The following GALNT13 variants were observed in gnomAD, a reference collection of about 807,000 sequenced individuals.
The protein encoded by GALNT13 is UDP-GalNAc:polypeptide N-acetylgalactosaminyltransferase 13.
In GALNT13, 28 loss-of-function variants were observed where a neutral mutation model predicts 64.2. The ratio of observed to expected loss-of-function variants is 0.44; its 90% confidence interval spans 0.32 to 0.60. The LOEUF is 0.60. GALNT13 is among the 20% of genes least tolerant of loss of function. The pLI is 0.05. For synonymous variants in GALNT13, 214 were observed against 224.6 expected, an observed-to-expected ratio of 0.95 and a Z score of 0.42; for missense variants, 577 against 669.8, an observed-to-expected ratio of 0.86 and a Z score of 1.53.
the GALNT13 span, among the ~76,000 whole-genome samples, chr2:153,155,596 A>T: frequency 9.2e-5 from 14 of 152,044 alleles, no homozygotes; most frequent in African/African-American, 2.9e-4. Flanking sequence ...AATTCTGTTT[A>T]TTTGAATCTT....
intron 3 of GALNT13, among the ~76,000 whole-genome samples, chr2:153,958,253 G>A (rs145366526): frequency 9.8e-4 from 149 of 152,218 alleles, no homozygotes; most frequent in African/African-American, 3.4e-3. Flanking sequence ...AGACTGAGGA[G>A]ACCCTGGAGG....
intron 3 of GALNT13, among the ~76,000 whole-genome samples, chr2:154,011,980 A>C (rs1696670367): frequency 1.3e-5 from 2 of 152,108 alleles, no homozygotes; most frequent in Admixed American, 6.6e-5. Flanking sequence ...GGTCTCTTTA[A>C]GACAGTACTG....
chr2:153,631,778 G>A, the GALNT13 span, among the ~76,000 whole-genome samples: 1 of 152,168 alleles, frequency 6.6e-6, no homozygotes, highest in Admixed American at 6.5e-5. Flanking sequence ...TCTGATGGTA[G>A]TTTCTTTTGC....
chr2:154,252,439 C>G (rs1690121536), intron 7 of GALNT13, among the ~76,000 whole-genome samples: 1 of 151,558 alleles, frequency 6.6e-6, no homozygotes, highest in South Asian at 2.1e-4. Flanking sequence ...CTACCGCAAG[C>G]TCCGCCTCCC....
chr2:153,734,405 C>A, the GALNT13 span, among the ~76,000 whole-genome samples: 6 of 152,194 alleles, frequency 3.9e-5, no homozygotes, highest in East Asian at 9.7e-4. Flanking sequence ...AAACACAGAT[C>A]TGATAAGTCT....
At chr2:153,171,018 A>C in the GALNT13 span, among the ~76,000 whole-genome samples, 2 of 152,216 alleles carry the variant, frequency 1.3e-5, no homozygotes, top group African/African-American at 4.8e-5. Context: ...TTGTTTGTCT[A>C]CTCAGTAACA....
chr2:153,831,730 G>A, the GALNT13 span, among the ~76,000 whole-genome samples: 1 of 152,110 alleles, frequency 6.6e-6, no homozygotes, highest in Non-Finnish European at 1.5e-5. Flanking sequence ...GTTCTCTTTT[G>A]AGTCACCCAG....
At chr2:153,775,218 C>T in the GALNT13 span, among the ~76,000 whole-genome samples, 1 of 152,084 alleles carries the variant, frequency 6.6e-6, no homozygotes, top group Non-Finnish European at 1.5e-5. Context: ...TAATGTCATA[C>T]TGACTTATAA....
chr2:153,401,287 GAGAT>G, the GALNT13 span, among the ~76,000 whole-genome samples: 1 of 151,744 alleles, frequency 6.6e-6, no homozygotes, highest in Non-Finnish European at 1.5e-5. Flanking sequence ...TGTGGTCTGA[GAGAT>G]AGTTTGTTAT....
rs201860248 is a variant in GALNT13, at chr2:153,874,408, C to T, written c.-177+2105C>T. Among the ~76,000 whole-genome samples, 5 of 151,918 alleles carry T rather than the reference C, an allele frequency of 3.3e-5. No individual in the cohort carries two copies. The East Asian group carries it at 9.8e-4, about 30-fold the overall frequency. ...TTATCCCATTCCAGGGCTTAAGGTA[C>T]TTGCTTAAGTAGGGGCACTGTGTCT... On this transcript the variant is annotated intron_variant, in intron 1 of 12. Coordinates refer to ENST00000392825, the MANE Select transcript of GALNT13 (RefSeq NM_052917.4).
At chr2:153,912,956 G>T (rs1689059758) in intron 2 of GALNT13, among the ~76,000 whole-genome samples, 1 of 152,198 alleles carries the variant, frequency 6.6e-6, no homozygotes, top group Admixed American at 6.5e-5. Context: ...GGGTGGTAGT[G>T]GGTGCTGGGT....
At chr2:153,804,802 A>G in the GALNT13 span, among the ~76,000 whole-genome samples, 1 of 152,168 alleles carries the variant, frequency 6.6e-6, no homozygotes, top group African/African-American at 2.4e-5. Flanking sequence ...TCATGTCTAC[A>G]TAAAATGAAA....
the GALNT13 span, among the ~76,000 whole-genome samples, chr2:153,133,913 C>A: frequency 1.3e-5 from 2 of 152,184 alleles, no homozygotes; most frequent in Non-Finnish European, 2.9e-5. Flanking sequence ...GCTCTGCACA[C>A]AATAGGTGTC....
intron 3 of GALNT13, among the ~76,000 whole-genome samples, chr2:154,090,132 T>C (rs1701733766): frequency 1.3e-5 from 2 of 152,066 alleles, no homozygotes; most frequent in South Asian, 4.1e-4. Flanking sequence ...GTGAAAGATA[T>C]CTATGCATAA....
chr2:153,277,927 C>CTTTTTTTTTTTTTT, the GALNT13 span, among the ~76,000 whole-genome samples: 23 of 80,104 alleles, frequency 2.9e-4, no homozygotes, highest in African/African-American at 5.6e-4. Context: ...TCTTTTCTTT[C>CTTTTTTTTTTTTTT]TTTTTTTTTT....
intron 9 of GALNT13, among the ~76,000 whole-genome samples, chr2:154,384,701 A>T (rs1228885783): frequency 6.6e-6 from 1 of 151,914 alleles, no homozygotes; most frequent in Admixed American, 6.6e-5. Context: ...TTTTCAATGC[A>T]AATTAACTGA....
intron 4 of GALNT13, among the ~76,000 whole-genome samples, chr2:154,168,559 G>A (rs1033367555): frequency 6.6e-6 from 1 of 151,878 alleles, no homozygotes; most frequent in African/African-American, 2.4e-5. Flanking sequence ...ATTTGGCCGG[G>A]TGTAGTGGCT....
At chr2:153,537,236 G>A in the GALNT13 span, among the ~76,000 whole-genome samples, 1 of 152,168 alleles carries the variant, frequency 6.6e-6, no homozygotes, top group African/African-American at 2.4e-5. Flanking sequence ...AATTGAACTT[G>A]GCCTTGGAAG....
At chr2:153,726,947 A>C in the GALNT13 span, among the ~76,000 whole-genome samples, 4 of 148,400 alleles carry the variant, frequency 2.7e-5, no homozygotes, top group East Asian at 3.9e-4. Flanking sequence ...CTCAAAAAAA[A>C]AAAAAAAAAC....
Sources: allele counts gnomAD v4.1 joint callset (sites outside exome capture counted in the v4.1 genomes callset), GRCh38; gene constraint gnomAD v4.1.1; transcripts MANE v1.5; gene names NCBI Gene and HGNC (gene_info 2026-07-23, HGNC 2026-07-21).